Variants in CNTN2 observed in about 807,000 individuals in gnomAD.
CNTN2 encodes the protein contactin 2, also known as contactin-2.
Under a neutral mutation model 117.5 loss-of-function variants are expected in CNTN2, and 53 were observed. The observed-to-expected ratio is 0.45, with a 90% confidence interval of 0.36 to 0.57. The LOEUF is 0.57. CNTN2 is among the 20% of genes least tolerant of loss of function. CNTN2 has a pLI of 0.00. For missense variants in CNTN2, 1,106 were observed against 1,404.3 expected (o/e 0.79, Z 3.39); for synonymous variants, 530 against 561.7 (o/e 0.94, Z 0.80).
chr1:205,066,656 T>G (rs1574655119), intron 15 of CNTN2, 57 bp downstream of exon 15: 1 of 1,583,732 alleles, frequency 6.3e-7, no homozygotes, highest in African/African-American at 1.4e-5. Context: ...GTGTAGGAGG[T>G]GGAAAGGGTC....
rs911485471 is a variant in CNTN2, at chr1:205,065,678, A to G, written c.1696-111A>G. The G allele has an allele frequency of 1.2e-4, 137 of 1,137,382 alleles. No homozygotes were observed. Among genetic ancestry groups the G allele is most frequent in the Non-Finnish European group, 1.6e-4 (129 of 820,060 alleles). The allele number at this position is 1,137,382 out of a possible 1,614,324, so 70.5% of individuals were successfully genotyped here. On this transcript the variant is annotated intron_variant, in intron 13 of 22. Coordinates refer to ENST00000331830, the MANE Select transcript of CNTN2 (RefSeq NM_005076.5). The surrounding 1 kb of genome is among the most constrained non-coding windows in gnomAD (Gnocchi z 4.1). Reference sequence around the variant, plus strand: ...GGAAAACTGAGATCCAGTGGGGTCCATGGATGTCATGGAGTAGGGGACTCC... The same window carrying G: ...GGAAAACTGAGATCCAGTGGGGTCCGTGGATGTCATGGAGTAGGGGACTCC...
chr1:205,055,819 T>G (rs934996507), intron 2 of CNTN2, among the ~76,000 whole-genome samples: 1 of 152,196 alleles, frequency 6.6e-6, no homozygotes, highest in Non-Finnish European at 1.5e-5. Flanking sequence ...TGGCAATACC[T>G]ATCTTGTAAA....
chr1:205,059,309 G>A lies in CNTN2; in HGVS notation c.697+16G>A. ...GCTGCTGAAGGTCAGGCTTGGCCAG[G>A]CGTGGCTGGAGGGAGGGAACTGGAA... On this transcript the variant is annotated intron_variant, in intron 6 of 22. Transcript: ENST00000331830. This position sits in a 1 kb window ranked among gnomAD's most constrained non-coding sequence, Gnocchi z 5.6. 4 of 1,610,240 alleles carry A rather than the reference G, an allele frequency of 2.5e-6. No homozygotes were observed. The highest frequency in any genetic ancestry group is 1.3e-5 in the African/African-American group (1 of 74,982).
At chr1:205,057,622 C>T in intron 2 of CNTN2, 1 of 264,790 alleles carries the variant, frequency 3.8e-6, no homozygotes, top group Non-Finnish European at 7.1e-6. Context: ...GTGCTCAATA[C>T]CTAAGTGTAG....
chr1:205,062,036 A>G, intron 9 of CNTN2, 35 bp downstream of exon 9: 1 of 1,606,692 alleles, frequency 6.2e-7, no homozygotes, highest in South Asian at 1.1e-5. Flanking sequence ...ACACATCACA[A>G]CTGTCCTCTG....
chr1:205,049,344 C>T (rs1330017634), intron 1 of CNTN2, among the ~76,000 whole-genome samples: 1 of 149,478 alleles, frequency 6.7e-6, no homozygotes, highest in Non-Finnish European at 1.5e-5. Context: ...ACACAAAGAC[C>T]GGACATCATC....
intron 1 of CNTN2, among the ~76,000 whole-genome samples, chr1:205,049,281 GACACACACACACACAC>G (rs3835569): frequency 6.6e-5 from 8 of 120,638 alleles, no homozygotes; most frequent in African/African-American, 9.0e-5. Context: ...CCTCACACCC[GACACACACACACACAC>G]ACACACACAC....
At chr1:205,049,311 C>CAA (rs2151182926) in intron 1 of CNTN2, among the ~76,000 whole-genome samples, 1 of 151,384 alleles carries the variant, frequency 6.6e-6, no homozygotes, top group East Asian at 1.9e-4. Context: ...CACACACACA[C>CAA]ACACACACAC....
intron 1 of CNTN2, among the ~76,000 whole-genome samples, chr1:205,050,431 T>G (rs10793723): frequency 0.22 from 33,317 of 151,970 alleles, 4,559 homozygotes; most frequent in East Asian, 0.64. Flanking sequence ...ACTTAAAATT[T>G]TTCAAATTTA....
chr1:205,064,777 G>A, intron 12 of CNTN2, 27 bp downstream of exon 12: 1 of 1,612,374 alleles, frequency 6.2e-7, no homozygotes, highest in Non-Finnish European at 8.5e-7. Flanking sequence ...GGGTAGGCCG[G>A]GGGCTCAGCC....
intron 10 of CNTN2, 123 bp downstream of exon 10, chr1:205,062,692 C>T (rs1235500465): frequency 3.6e-5 from 42 of 1,164,330 alleles, no homozygotes; most frequent in Non-Finnish European, 4.6e-5. Flanking sequence ...CTTGGTTTTC[C>T]AACAGTTTCT....
chr1:205,045,978 A>G (rs542858588), intron 1 of CNTN2, among the ~76,000 whole-genome samples: 1 of 152,290 alleles, frequency 6.6e-6, no homozygotes, highest in East Asian at 1.9e-4. Flanking sequence ...GTGACTCAGG[A>G]ATCCATAAGA....
Position 205,061,981 on chromosome 1 carries a change from G to C in CNTN2, c.1090G>C (p.Gly364Arg). ...PRPTVRWLRN[G>R]EPLASQNRVE... ...GCCTACAGTGCGCTGGCTGCGGAACGGGGAGCCTCTGGCCTCCCAGGTAGG... is the reference window on the plus strand; with the variant it reads ...GCCTACAGTGCGCTGGCTGCGGAACCGGGAGCCTCTGGCCTCCCAGGTAGG... Residue 364 changes from glycine to arginine, a missense_variant, in exon 9 of 23, where the codon GGG becomes CGG. Transcript: ENST00000331830. This position sits in a 1 kb window ranked among gnomAD's most constrained non-coding sequence, Gnocchi z 4.8. 1 of 1,613,326 alleles carries C rather than the reference G, an allele frequency of 6.2e-7. No individual in the cohort carries two copies. Among genetic ancestry groups the C allele is most frequent in the Admixed American group, 1.7e-5 (1 of 59,964 alleles).
chr1:205,044,830 C>T (rs1203749630), intron 1 of CNTN2, among the ~76,000 whole-genome samples: 1 of 152,108 alleles, frequency 6.6e-6, no homozygotes, highest in African/African-American at 2.4e-5. Flanking sequence ...CAACAGGTGC[C>T]CTCACTCCTG....
intron 1 of CNTN2, among the ~76,000 whole-genome samples, chr1:205,050,617 TC>T: frequency 7.3e-6 from 1 of 137,382 alleles, no homozygotes; most frequent in South Asian, 2.3e-4. Flanking sequence ...ATGTAAGTGT[TC>T]TGAGTACATT....
intron 19 of CNTN2, among the ~76,000 whole-genome samples, chr1:205,071,711 C>A (rs1654601325): frequency 6.6e-6 from 1 of 152,142 alleles, no homozygotes; most frequent in African/African-American, 2.4e-5. Flanking sequence ...GCCACCAGCT[C>A]CCTCCCTGAC....
chr1:205,056,112 T>C (rs1215969456), intron 2 of CNTN2, among the ~76,000 whole-genome samples: 1 of 152,104 alleles, frequency 6.6e-6, no homozygotes, highest in Non-Finnish European at 1.5e-5. Context: ...ATGTGAATAT[T>C]TGGGTGAGTG....
Position 205,061,031 on chromosome 1 carries a change from T to A in CNTN2, c.798-214T>A. ...CCAGGGTTGTTGCAGGGGGGATGGGTAGAGCAGCCCTGCCTCTTGCCCCTT... is the reference window on the plus strand; with the variant it reads ...CCAGGGTTGTTGCAGGGGGGATGGGAAGAGCAGCCCTGCCTCTTGCCCCTT... On this transcript the variant is annotated intron_variant, in intron 7 of 22. Coordinates refer to ENST00000331830, the MANE Select transcript of CNTN2 (RefSeq NM_005076.5). This position sits in a 1 kb window ranked among gnomAD's most constrained non-coding sequence, Gnocchi z 4.8. 1 of 541,214 alleles carries A rather than the reference T, an allele frequency of 1.8e-6. No homozygotes were observed. Among genetic ancestry groups the A allele is most frequent in the Non-Finnish European group, 3.2e-6 (1 of 307,946 alleles). 33.5% of individuals were successfully genotyped at this position (541,214 alleles called of 1,614,324 possible).
intron 1 of CNTN2, among the ~76,000 whole-genome samples, chr1:205,049,298 A>G (rs1430987498): frequency 6.9e-6 from 1 of 145,074 alleles, no homozygotes; most frequent in Non-Finnish European, 1.5e-5. Flanking sequence ...ACACACACAC[A>G]CACACACACA....
Sources: gnomAD v4.1 joint callset for allele counts (sites outside exome capture counted in the v4.1 genomes callset) on GRCh38, gnomAD v4.1.1 for gene constraint, Gnocchi (gnomAD v3.1) non-coding constraint, MANE v1.5 for transcripts, NCBI Gene and HGNC (gene_info 2026-07-23, HGNC 2026-07-21) for gene names.